The following SPIN1 variants were observed in gnomAD, a reference collection of about 807,000 sequenced individuals.
SPIN1 encodes spindlin-1.
A neutral mutation model predicts 26.0 loss-of-function variants in SPIN1; 3 were observed. The observed-to-expected ratio is 0.12, with a 90% CI of 0.05 to 0.30. SPIN1 has a LOEUF of 0.30. SPIN1 is among the 10% of genes least tolerant of loss of function. The pLI is 1.00. For synonymous variants in SPIN1, 101 were observed against 116.5 expected (o/e 0.87, Z 0.86); for missense variants, 126 against 333.4 (o/e 0.38, Z 4.84).
chr9:88,464,790 C>T (rs770802317), intron 4 of SPIN1, among the ~76,000 whole-genome samples: 1 of 152,100 alleles, frequency 6.6e-6, no homozygotes, highest in Non-Finnish European at 1.5e-5. Context: ...ACTGTCCTAA[C>T]CATTTTTAAG....
intron 3 of SPIN1, among the ~76,000 whole-genome samples, chr9:88,455,590 G>A (rs916810448): frequency 2.6e-5 from 4 of 152,138 alleles, no homozygotes. Context: ...ATAATTTAAT[G>A]TATATTTTAA....
At chr9:88,442,688 AT>A (rs553779078) in intron 2 of SPIN1, among the ~76,000 whole-genome samples, 8 of 148,820 alleles carry the variant, frequency 5.4e-5, no homozygotes, top group East Asian at 2.0e-4. Flanking sequence ...CCTGGTGAAG[AT>A]TTTTTTTTTC....
chr9:88,423,636 G>A (rs1278139350), intron 1 of SPIN1, among the ~76,000 whole-genome samples: 5 of 151,146 alleles, frequency 3.3e-5, no homozygotes, highest in Non-Finnish European at 5.9e-5. Context: ...ACCGGGTCTC[G>A]AACTCCTGGC....
At chr9:88,463,715 A>G (rs1828612530) in intron 4 of SPIN1, among the ~76,000 whole-genome samples, 2 of 152,308 alleles carry the variant, frequency 1.3e-5, no homozygotes, top group East Asian at 3.9e-4. Context: ...CATCTGTATA[A>G]ATATGGTTCA....
chr9:88,392,027 C>G (rs765903160), intron 1 of SPIN1, among the ~76,000 whole-genome samples: 4 of 152,122 alleles, frequency 2.6e-5, no homozygotes, highest in Admixed American at 2.0e-4. Context: ...AATTCCTTAC[C>G]TATAAACTGG....
At chr9:88,419,429 TC>T (rs1168438123) in intron 1 of SPIN1, among the ~76,000 whole-genome samples, 1 of 152,134 alleles carries the variant, frequency 6.6e-6, no homozygotes, top group Non-Finnish European at 1.5e-5. Flanking sequence ...CCCCTTGCTC[TC>T]CCTTGTGCAG....
chr9:88,442,152 A>G (rs1828147943), intron 2 of SPIN1, among the ~76,000 whole-genome samples: 1 of 151,264 alleles, frequency 6.6e-6, no homozygotes. Flanking sequence ...TCTTTTTAAC[A>G]TTTCTTACAA....
rs1451635154 is a variant in SPIN1, at chr9:88,476,373, T to C, written c.*1096T>C. ...GACTTTTAAAGTTTTATTACTATTA[T>C]TGCTAATGTATGATTATGGTCAGAG... On this transcript the variant is annotated 3_prime_UTR_variant, in exon 6 of 6. Transcript: ENST00000375859. The C allele has an allele frequency of 6.6e-6, 1 of 152,240 alleles. No individual in the cohort carries two copies. The highest frequency in any genetic ancestry group is 2.4e-5 in the African/African-American group (1 of 41,458). The allele number at this position is 152,240 out of a possible 1,614,324, so 9.4% of individuals were successfully genotyped here. A position where few individuals can be genotyped will look rare whatever the true frequency, so the allele number is the denominator to read the frequency against.
intron 5 of SPIN1, among the ~76,000 whole-genome samples, chr9:88,471,763 A>G (rs1285843773): frequency 2.0e-5 from 3 of 150,210 alleles, no homozygotes; most frequent in African/African-American, 7.3e-5. Flanking sequence ...TTGCTGTGCC[A>G]GTGCTGCATT....
chr9:88,428,854 A>G (rs1224433342), intron 2 of SPIN1, among the ~76,000 whole-genome samples: 1 of 152,182 alleles, frequency 6.6e-6, no homozygotes, highest in Non-Finnish European at 1.5e-5. Flanking sequence ...AAAACAAACC[A>G]AAGTGTTTTT....
chr9:88,451,416 G>GT (rs1828349220), intron 3 of SPIN1, among the ~76,000 whole-genome samples: 1 of 152,168 alleles, frequency 6.6e-6, no homozygotes, highest in Non-Finnish European at 1.5e-5. Flanking sequence ...CTGGGTTTGT[G>GT]TTTTTTAAGA....
At chr9:88,463,526 A>G (rs1351924203) in intron 4 of SPIN1, among the ~76,000 whole-genome samples, 1 of 152,208 alleles carries the variant, frequency 6.6e-6, no homozygotes, top group Non-Finnish European at 1.5e-5. Context: ...GGAGGTAGGA[A>G]TTTTGGGATC....
At chr9:88,433,460 CTG>C (rs1404317796) in intron 2 of SPIN1, among the ~76,000 whole-genome samples, 2 of 152,140 alleles carry the variant, frequency 1.3e-5, no homozygotes, top group African/African-American at 4.8e-5. Context: ...CTATTAGTCT[CTG>C]TTTCATTTGG....
At position 88,390,796 on chromosome 9, in the gene SPIN1, C is replaced by G. The variant is rs535809467; in HGVS notation, c.-159+2258C>G. 9.9e-5 allele frequency among the ~76,000 whole-genome samples: 15 copies of G among 152,270 alleles called. 1 individual carries two copies. In the South Asian group the frequency reaches 3.1e-3, roughly 32 times the overall value. Reference sequence around the variant, plus strand: ...TCAGAACAGTCTGGGTTGAAATTGACTCCTTACTGGTCCAAAGCCACATAA... The same window carrying G: ...TCAGAACAGTCTGGGTTGAAATTGAGTCCTTACTGGTCCAAAGCCACATAA... On this transcript the variant is annotated intron_variant, in intron 1 of 5. Coordinates refer to ENST00000375859, the MANE Select transcript of SPIN1 (RefSeq NM_006717.3).
At chr9:88,407,640 A>G (rs1228361679) in intron 1 of SPIN1, among the ~76,000 whole-genome samples, 1 of 149,876 alleles carries the variant, frequency 6.7e-6, no homozygotes, top group Non-Finnish European at 1.5e-5. Context: ...GTGAGACCTC[A>G]TCTCTAATTT....
chr9:88,464,357 AC>A (rs1198513384), intron 4 of SPIN1, among the ~76,000 whole-genome samples: 4 of 152,330 alleles, frequency 2.6e-5, no homozygotes, highest in Non-Finnish European at 4.4e-5. Context: ...CTCTTCACTT[AC>A]GTTTTACGTC....
At chr9:88,428,882 T>C (rs77521223) in intron 2 of SPIN1, among the ~76,000 whole-genome samples, 1,930 of 152,276 alleles carry the variant, frequency 0.013, 40 homozygotes, top group African/African-American at 0.044. Flanking sequence ...TATTCTCTCT[T>C]TCTTTTTTAA....
At chr9:88,394,087 G>A (rs1252781479) in intron 1 of SPIN1, among the ~76,000 whole-genome samples, 1 of 152,060 alleles carries the variant, frequency 6.6e-6, no homozygotes, top group Non-Finnish European at 1.5e-5. Flanking sequence ...AAGCTCAAGT[G>A]ATCCTCTCAC....
chr9:88,422,039 G>A (rs959401025), intron 1 of SPIN1, among the ~76,000 whole-genome samples: 1 of 152,086 alleles, frequency 6.6e-6, no homozygotes, highest in Non-Finnish European at 1.5e-5. Context: ...CAATTCCGTT[G>A]TAGTGAAGGG....
Sources: allele counts gnomAD v4.1 joint callset (sites outside exome capture counted in the v4.1 genomes callset), GRCh38; gene constraint gnomAD v4.1.1; transcripts MANE v1.5; gene names NCBI Gene and HGNC (gene_info 2026-07-23, HGNC 2026-07-21).